SNTG2: variants seen among roughly 807,000 people sequenced by gnomAD.
SNTG2 encodes syntrophin gamma 2.
SNTG2 carries 74 observed loss-of-function variants against 70.9 expected under a neutral mutation model. The observed-to-expected ratio is 1.04, with a 90% confidence interval of 0.86 to 1.27. The LOEUF (loss-of-function observed/expected upper bound fraction) is 1.27, where lower values mean the gene tolerates loss of function less well. Among genes scored for constraint, SNTG2 ranks in the 50% most tolerant of loss-of-function variants. The pLI, the probability that SNTG2 is intolerant of heterozygous loss-of-function variation, is 0.00. For missense variants in SNTG2, 717 were observed against 690.7 expected, an observed-to-expected ratio of 1.04 and a Z score of -0.43; for synonymous variants, 278 against 273.8, an observed-to-expected ratio of 1.02 and a Z score of -0.15.
At chr2:1,178,833 G>A (rs1368052609) in intron 8 of SNTG2, among the ~76,000 whole-genome samples, 1 of 152,140 alleles carries the variant, frequency 6.6e-6, no homozygotes. Flanking sequence ...GAGTTAGGGA[G>A]GATTCCCTCT....
At chr2:1,252,433 T>C (rs909336396) in intron 12 of SNTG2, among the ~76,000 whole-genome samples, 5 of 152,136 alleles carry the variant, frequency 3.3e-5, no homozygotes, top group African/African-American at 2.4e-5. Flanking sequence ...TGTAGGGAGA[T>C]TAAGGAAGGA....
At chr2:1,255,792 G>GTGTA (rs1678020354) in intron 12 of SNTG2, among the ~76,000 whole-genome samples, 2 of 130,102 alleles carry the variant, frequency 1.5e-5, no homozygotes, top group African/African-American at 5.7e-5. Flanking sequence ...GTGTGTGTGT[G>GTGTA]TATATATATA....
In SNTG2 at chr2:1,209,193, C is replaced by G. The variant is rs1022648371; in HGVS notation, c.682C>G (p.Arg228Gly). 4 of 1,613,806 alleles carry G rather than the reference C, an allele frequency of 2.5e-6. No individual in the cohort carries two copies. In the South Asian group the frequency reaches 3.3e-5, roughly 13 times the overall value. The change falls in exon 9 of 17, where the codon CGC becomes GGC. Residue 228 changes from arginine (R) to glycine (G), a missense_variant. Transcript: ENST00000308624. ...DTLSVPLSMA[R>G]ISRYKAGTEK... ...CTTGTCCGTGCCTCTGTCCATGGCTCGCATCTCAAGGTACAAAGCCGGAAC... is the reference window on the plus strand; with the variant it reads ...CTTGTCCGTGCCTCTGTCCATGGCTGGCATCTCAAGGTACAAAGCCGGAAC...
At chr2:1,175,413 C>T (rs921420945) in intron 8 of SNTG2, among the ~76,000 whole-genome samples, 1 of 152,182 alleles carries the variant, frequency 6.6e-6, no homozygotes, top group Non-Finnish European at 1.5e-5. Flanking sequence ...TTTCCATCCT[C>T]TCTCTTTGTT....
rs12105943 is a variant in SNTG2, at chr2:1,009,163, G to A, written c.72+58095G>A. Among the ~76,000 whole-genome samples the A allele has an allele frequency of 6.3e-3, 764 of 120,810 alleles. 19 individuals are homozygous for A. Among genetic ancestry groups the A allele is most frequent in the South Asian group, 0.02 (55 of 2,792 alleles). The allele number at this position is 120,810 out of a possible 152,430, so 79.3% of individuals were successfully genotyped here. A position where few individuals can be genotyped will look rare whatever the true frequency, so the allele number is the denominator to read the frequency against. On this transcript the variant is annotated intron_variant, in intron 1 of 16. Transcript: ENST00000308624. Reference sequence around the variant, plus strand: ...GTATGGCAGCCACACCTGTGTCCCCGGGAAGACATGCTGGTTCTGATACTG... The same window carrying A: ...GTATGGCAGCCACACCTGTGTCCCCAGGAAGACATGCTGGTTCTGATACTG...
chr2:1,006,076 C>T (rs1659561545), intron 1 of SNTG2, among the ~76,000 whole-genome samples: 1 of 147,450 alleles, frequency 6.8e-6, no homozygotes, highest in Non-Finnish European at 1.5e-5. Flanking sequence ...GAACAAAAAA[C>T]CAAACACCGC....
intron 6 of SNTG2, among the ~76,000 whole-genome samples, chr2:1,155,176 C>CAAA (rs547352326): frequency 6.8e-6 from 1 of 147,250 alleles, no homozygotes; most frequent in Non-Finnish European, 1.5e-5. Context: ...TAGACCCCCC[C>CAAA]CCCACACACA....
At chr2:1,126,732 T>C (rs771139074) in intron 4 of SNTG2, among the ~76,000 whole-genome samples, 10 of 152,156 alleles carry the variant, frequency 6.6e-5, no homozygotes, top group African/African-American at 2.4e-5. Context: ...ATTAGTGATT[T>C]TAAGCATTTT....
chr2:1,165,782 G>T (rs1377632395), intron 7 of SNTG2, 147 bp downstream of exon 7: 12 of 665,964 alleles, frequency 1.8e-5, no homozygotes, highest in Non-Finnish European at 2.7e-5. Flanking sequence ...AGGCACCGTG[G>T]CATCATGTAG....
chr2:995,840 CA>C (rs1163291084), intron 1 of SNTG2, among the ~76,000 whole-genome samples: 1 of 152,114 alleles, frequency 6.6e-6, no homozygotes. Flanking sequence ...CTACAAAGAG[CA>C]GCACAACTTC....
At chr2:1,305,657 C>A (rs187479982) in intron 14 of SNTG2, among the ~76,000 whole-genome samples, 236 of 152,266 alleles carry the variant, frequency 1.5e-3, no homozygotes, top group African/African-American at 5.2e-3. Context: ...AAAATTCCCT[C>A]AAGTTCTAAA....
chr2:964,586 G>A (rs973270270), intron 1 of SNTG2, among the ~76,000 whole-genome samples: 2 of 152,204 alleles, frequency 1.3e-5, no homozygotes, highest in African/African-American at 4.8e-5. Context: ...GGCCCTGAGG[G>A]ATGAGGCCTT....
rs79204611 is a variant in SNTG2 at position 1,156,290 on chromosome 2, G to T, written c.412-9258G>T. ...GGATTCCTGTGGCCTTAGATAGATC[G>T]AGGGCAGCTCTTTTGTTGGGGGGGA... On this transcript the variant is annotated intron_variant, in intron 6 of 16. Coordinates refer to ENST00000308624, the MANE Select transcript of SNTG2 (RefSeq NM_018968.4). Among the ~76,000 whole-genome samples the T allele has an allele frequency of 8.7e-3, 1,320 of 152,210 alleles. 23 individuals carry two copies. Among genetic ancestry groups the T allele is most frequent in the African/African-American group, 0.03 (1,225 of 41,522 alleles).
intron 7 of SNTG2, among the ~76,000 whole-genome samples, chr2:1,171,476 T>C (rs1051319233): frequency 1.3e-5 from 2 of 152,284 alleles, no homozygotes; most frequent in South Asian, 4.1e-4. Context: ...ATAACAGGCA[T>C]TGGGAAAGAA....
chr2:1,270,600 C>T (rs556821466), intron 14 of SNTG2, among the ~76,000 whole-genome samples: 40 of 152,292 alleles, frequency 2.6e-4, no homozygotes, highest in African/African-American at 8.9e-4. Context: ...TTGAGAGTCA[C>T]GTTCTTTCTG....
intron 16 of SNTG2, among the ~76,000 whole-genome samples, chr2:1,323,502 C>T (rs1476431448): frequency 2.6e-5 from 3 of 114,320 alleles, no homozygotes; most frequent in Non-Finnish European, 5.7e-5. Flanking sequence ...AGTCACATGG[C>T]TGAGACCCCC....
chr2:1,239,096 A>C (rs1008893247), intron 10 of SNTG2, among the ~76,000 whole-genome samples: 3 of 152,236 alleles, frequency 2.0e-5, no homozygotes, highest in African/African-American at 7.2e-5. Context: ...ATCTCAATAA[A>C]TAGGGAAGAA....
At chr2:1,117,087 C>T (rs183940084) in intron 4 of SNTG2, among the ~76,000 whole-genome samples, 81 of 116,108 alleles carry the variant, frequency 7.0e-4, no homozygotes, top group African/African-American at 2.2e-3. Flanking sequence ...GTGGGTGCCC[C>T]GGTGTACAGG....
At chr2:1,054,950 TTTG>T (rs1266500401) in intron 1 of SNTG2, among the ~76,000 whole-genome samples, 1 of 151,432 alleles carries the variant, frequency 6.6e-6, no homozygotes, top group Non-Finnish European at 1.5e-5. Flanking sequence ...TGTTTTTGTT[TTTG>T]TTTTTTTTTC....
Sources: gnomAD v4.1 joint callset for allele counts (sites outside exome capture counted in the v4.1 genomes callset) on GRCh38, gnomAD v4.1.1 for gene constraint, MANE v1.5 for transcripts, NCBI Gene and HGNC (gene_info 2026-07-23, HGNC 2026-07-21) for gene names.